SUPT3H: variants seen among roughly 807,000 people sequenced by gnomAD.
SUPT3H encodes SPT3 homolog, SAGA and STAGA complex component, also known as transcription initiation protein SPT3 homolog.
A neutral mutation model predicts 44.3 loss-of-function variants in SUPT3H; 44 were observed. That is an observed-to-expected ratio of 0.99 (90% CI 0.78 to 1.28). SUPT3H has a LOEUF of 1.28. Ranked by LOEUF, SUPT3H falls within the 50% of genes most tolerant of loss-of-function variation. The pLI is 0.00. For missense variants in SUPT3H, 380 were observed against 387.1 expected, an observed-to-expected ratio of 0.98 and a Z score of 0.15; for synonymous variants, 124 against 125.6, an observed-to-expected ratio of 0.99 and a Z score of 0.09.
At chr6:45,332,096 A>G (rs1272755338) in intron 2 of SUPT3H, among the ~76,000 whole-genome samples, 1 of 151,970 alleles carries the variant, frequency 6.6e-6, no homozygotes, top group Non-Finnish European at 1.5e-5. Flanking sequence ...GCGCTAATCA[A>G]TTACAAACCT....
chr6:45,229,288 C>T (rs1314868392), intron 2 of SUPT3H, among the ~76,000 whole-genome samples: 2 of 152,042 alleles, frequency 1.3e-5, no homozygotes, highest in Non-Finnish European at 2.9e-5. Flanking sequence ...CATTGTATCA[C>T]AGCAGGAGTT....
chr6:44,889,274 T>G (rs532222686), intron 10 of SUPT3H, among the ~76,000 whole-genome samples: 1 of 152,222 alleles, frequency 6.6e-6, no homozygotes, highest in African/African-American at 2.4e-5. Context: ...TACTTTAAAG[T>G]TCATATGGAA....
At chr6:45,155,334 C>G (rs979147981) in intron 2 of SUPT3H, among the ~76,000 whole-genome samples, 1 of 152,116 alleles carries the variant, frequency 6.6e-6, no homozygotes. Context: ...AGATGGTGAA[C>G]TAGTGTCCTA....
chr6:45,267,737 G>A lies in SUPT3H; in HGVS notation c.101+97464C>T, dbSNP rs573786052. On this transcript the variant is annotated intron_variant, in intron 2 of 10. Coordinates refer to ENST00000371459, the MANE Select transcript of SUPT3H (RefSeq NM_003599.4). ...TAAATAGGCAGTAGTGACAAAATGTGCCAGTTAAGAGCCTAGGCCTTACAA... is the reference window on the plus strand; with the variant it reads ...TAAATAGGCAGTAGTGACAAAATGTACCAGTTAAGAGCCTAGGCCTTACAA... 5.2e-4 allele frequency among the ~76,000 whole-genome samples: 79 copies of A among 152,216 alleles called. 1 individual carries two copies. The highest frequency in any genetic ancestry group is 3.4e-3 in the Middle Eastern group (1 of 294).
rs551652074 is a variant in SUPT3H, at chr6:45,015,572, A to T, written c.274-681T>A. Among the ~76,000 whole-genome samples, 3 of 152,204 alleles carry T rather than the reference A, an allele frequency of 2.0e-5. No homozygotes were observed. In the South Asian group the frequency reaches 6.2e-4, roughly 32 times the overall value. ...ATTTAAAATTTTTCTTTCTTCAATA[A>T]TAAATGTGCCTTAGCTTACTTACTG... On this transcript the variant is annotated intron_variant, in intron 4 of 10. Transcript: ENST00000371459.
chr6:45,199,006 T>A (rs932101593), intron 2 of SUPT3H, among the ~76,000 whole-genome samples: 5 of 151,332 alleles, frequency 3.3e-5, no homozygotes, highest in African/African-American at 1.2e-4. Flanking sequence ...TTTATAACAT[T>A]TTAAAATCTT....
intron 10 of SUPT3H, among the ~76,000 whole-genome samples, chr6:44,889,400 T>C (rs922722212): frequency 6.6e-6 from 1 of 152,204 alleles, no homozygotes; most frequent in African/African-American, 2.4e-5. Flanking sequence ...AACAGCATGG[T>C]ACTGGTACCA....
chr6:45,114,921 TAAAACTAGG>T (rs974589683), intron 2 of SUPT3H, among the ~76,000 whole-genome samples: 5 of 152,150 alleles, frequency 3.3e-5, no homozygotes, highest in African/African-American at 4.8e-5. Context: ...CAGTTAGAAG[TAAAACTAGG>T]ACTTTTACCT....
intron 3 of SUPT3H, among the ~76,000 whole-genome samples, chr6:45,037,697 AT>A (rs913757252): frequency 4.6e-5 from 7 of 151,420 alleles, no homozygotes; most frequent in African/African-American, 1.2e-4. Context: ...AAATAAAAAA[AT>A]GAAAGAAATA....
intron 3 of SUPT3H, among the ~76,000 whole-genome samples, chr6:45,102,534 C>CA (rs1447826953): frequency 4.0e-5 from 6 of 151,068 alleles, no homozygotes; most frequent in Non-Finnish European, 7.4e-5. Flanking sequence ...ATTAGACATG[C>CA]AAAAAAAACC....
intron 2 of SUPT3H, among the ~76,000 whole-genome samples, chr6:45,304,649 G>A (rs567757760): frequency 1.3e-5 from 2 of 152,116 alleles, no homozygotes; most frequent in African/African-American, 4.8e-5. Flanking sequence ...AATACAGGGT[G>A]AGAAAATAAA....
intron 2 of SUPT3H, among the ~76,000 whole-genome samples, chr6:45,206,439 G>A (rs139757387): frequency 6.6e-6 from 1 of 152,022 alleles, no homozygotes; most frequent in African/African-American, 2.4e-5. Context: ...AAGAAACTGA[G>A]ATCAGAAAAG....
chr6:45,056,870 C>A (rs1463685844), intron 3 of SUPT3H, among the ~76,000 whole-genome samples: 1 of 151,990 alleles, frequency 6.6e-6, no homozygotes, highest in Non-Finnish European at 1.5e-5. Context: ...AAGTTCCAGT[C>A]TTAAACAACA....
rs949163088 is a variant in SUPT3H at position 45,150,698 on chromosome 6, C to G, written c.102-44692G>C. Reference sequence around the variant, plus strand: ...TCGATTCTCAGACCAACTTCTACTTCTACTTATAATCTTTATTCTGCGTTT... The same window carrying G: ...TCGATTCTCAGACCAACTTCTACTTGTACTTATAATCTTTATTCTGCGTTT... On this transcript the variant is annotated intron_variant, in intron 2 of 10. Coordinates refer to ENST00000371459, the MANE Select transcript of SUPT3H (RefSeq NM_003599.4). Among the ~76,000 whole-genome samples, 11 of 144,788 alleles carry G rather than the reference C, an allele frequency of 7.6e-5. No individual in the cohort carries two copies. The East Asian group carries it at 2.2e-3, about 29-fold the overall frequency. 95.0% of individuals were successfully genotyped at this position (144,788 alleles called of 152,430 possible).
At chr6:45,212,032 A>G (rs1277292359) in intron 2 of SUPT3H, among the ~76,000 whole-genome samples, 3 of 151,936 alleles carry the variant, frequency 2.0e-5, no homozygotes, top group African/African-American at 7.3e-5. Flanking sequence ...CAGGTGTGGC[A>G]GTGCATGCCT....
chr6:44,851,092 G>T (rs1772812777), intron 10 of SUPT3H, among the ~76,000 whole-genome samples: 1 of 152,146 alleles, frequency 6.6e-6, no homozygotes, highest in African/African-American at 2.4e-5. Flanking sequence ...AAGCATCAAG[G>T]ACTTGGGGAT....
rs141487374 is a variant in SUPT3H at position 44,854,817 on chromosome 6, A to G, written c.913-24960T>C. Among the ~76,000 whole-genome samples the G allele has an allele frequency of 2.2e-3, 329 of 152,320 alleles. 1 individual carries two copies. Among genetic ancestry groups the G allele is most frequent in the African/African-American group, 7.6e-3 (314 of 41,560 alleles). On this transcript the variant is annotated intron_variant, in intron 10 of 10. Transcript: ENST00000371459. ...TCTGGATAATTCTTTTAAACTAAAG[A>G]CTTTCTTACAGAATCTGGAAAGATG...
At chr6:45,236,302 G>A (rs1445113358) in intron 2 of SUPT3H, among the ~76,000 whole-genome samples, 1 of 152,142 alleles carries the variant, frequency 6.6e-6, no homozygotes, top group Non-Finnish European at 1.5e-5. Flanking sequence ...GGAGAACATG[G>A]AACTAAGCTG....
At chr6:45,315,732 G>A (rs1040333559) in intron 2 of SUPT3H, among the ~76,000 whole-genome samples, 4 of 152,120 alleles carry the variant, frequency 2.6e-5, no homozygotes, top group Non-Finnish European at 2.9e-5. Context: ...ACTCCTTAAA[G>A]AACTAAAAGT....
Sources: gnomAD v4.1 joint callset for allele counts (sites outside exome capture counted in the v4.1 genomes callset) on GRCh38, gnomAD v4.1.1 for gene constraint, MANE v1.5 for transcripts, NCBI Gene and HGNC (gene_info 2026-07-23, HGNC 2026-07-21) for gene names.